The following GRM3 variants were observed in gnomAD, a reference collection of about 807,000 sequenced individuals.
GRM3 encodes metabotropic glutamate receptor 3.
A neutral mutation model predicts 70.5 loss-of-function variants in GRM3; 26 were observed. The observed-to-expected ratio is 0.37, with a 90% CI of 0.27 to 0.51. The LOEUF is 0.51. Among genes scored for constraint, GRM3 ranks in the 20% least tolerant of loss-of-function variants. The pLI is 0.93. For missense variants in GRM3, 859 were observed against 1,123.8 expected (o/e 0.76, Z 3.37); for synonymous variants, 443 against 434.9 (o/e 1.02, Z -0.23).
At chr7:86,699,774 G>T (rs939187851) in intron 1 of GRM3, among the ~76,000 whole-genome samples, 1 of 151,924 alleles carries the variant, frequency 6.6e-6, no homozygotes, top group Admixed American at 6.6e-5. Context: ...AAAGTTCATT[G>T]CAGAGAAAAA....
intron 1 of GRM3, among the ~76,000 whole-genome samples, chr7:86,713,385 G>T (rs1795243189): frequency 6.6e-6 from 1 of 151,982 alleles, no homozygotes; most frequent in African/African-American, 2.4e-5. Flanking sequence ...GTGCTCCACA[G>T]CTTAGCTCCT....
chr7:86,725,215 A>T (rs578146643), intron 1 of GRM3, among the ~76,000 whole-genome samples: 1 of 152,280 alleles, frequency 6.6e-6, no homozygotes, highest in East Asian at 1.9e-4. Context: ...TTAAGGATTG[A>T]TTTGAGGATT....
chr7:86,679,015 T>C (rs1243947119), intron 1 of GRM3, among the ~76,000 whole-genome samples: 3 of 152,184 alleles, frequency 2.0e-5, no homozygotes, highest in Non-Finnish European at 2.9e-5. Flanking sequence ...AGATAGACTG[T>C]GTAGATTGAT....
At chr7:86,779,980 T>C (rs184022124) in intron 2 of GRM3, among the ~76,000 whole-genome samples, 1 of 151,742 alleles carries the variant, frequency 6.6e-6, no homozygotes, top group Non-Finnish European at 1.5e-5. Flanking sequence ...ATACTAATTT[T>C]TTTTGTCCTT....
At chr7:86,688,896 G>C (rs1313184718) in intron 1 of GRM3, among the ~76,000 whole-genome samples, 1 of 148,320 alleles carries the variant, frequency 6.7e-6, no homozygotes, top group Admixed American at 6.8e-5. Flanking sequence ...TGTTCACAAA[G>C]GGTTAAGGAA....
intron 3 of GRM3, among the ~76,000 whole-genome samples, chr7:86,793,710 G>A (rs1797479975): frequency 6.6e-6 from 1 of 152,114 alleles, no homozygotes; most frequent in African/African-American, 2.4e-5. Flanking sequence ...CCATTTTAAG[G>A]TCATGCTGTG....
At chr7:86,696,928 C>T (rs554737011) in intron 1 of GRM3, among the ~76,000 whole-genome samples, 8 of 152,186 alleles carry the variant, frequency 5.3e-5, no homozygotes, top group African/African-American at 1.7e-4. Context: ...TATTCTGGCT[C>T]TCTTGACCCT....
chr7:86,754,325 T>C (rs1796296468), intron 1 of GRM3, among the ~76,000 whole-genome samples: 1 of 152,180 alleles, frequency 6.6e-6, no homozygotes, highest in Admixed American at 6.6e-5. Context: ...TTTGGGCCAT[T>C]CAAAAATTTG....
intron 1 of GRM3, among the ~76,000 whole-genome samples, chr7:86,753,648 G>A (rs1362005492): frequency 6.6e-6 from 1 of 151,982 alleles, no homozygotes; most frequent in Non-Finnish European, 1.5e-5. Context: ...TATGGATTAT[G>A]ACACTTGAAT....
intron 1 of GRM3, among the ~76,000 whole-genome samples, chr7:86,723,155 A>G (rs1049221300): frequency 2.0e-5 from 3 of 152,076 alleles, no homozygotes; most frequent in Admixed American, 6.6e-5. Flanking sequence ...TCTAGAAGGT[A>G]TTTCATTCCC....
At chr7:86,737,892 C>T (rs574146976) in intron 1 of GRM3, among the ~76,000 whole-genome samples, 2 of 152,242 alleles carry the variant, frequency 1.3e-5, no homozygotes, top group African/African-American at 2.4e-5. Context: ...AGGATAAATA[C>T]TCTCATTATG....
intron 1 of GRM3, among the ~76,000 whole-genome samples, chr7:86,698,623 A>G (rs1420252874): frequency 6.7e-6 from 1 of 150,310 alleles, no homozygotes; most frequent in Non-Finnish European, 1.5e-5. Flanking sequence ...AAAGCTTGGA[A>G]CCCCAATGCA....
intron 1 of GRM3, among the ~76,000 whole-genome samples, chr7:86,734,796 C>A (rs181466772): frequency 6.6e-5 from 10 of 152,278 alleles, no homozygotes; most frequent in Admixed American, 6.5e-4. Context: ...CTTCCATAGT[C>A]CCCTCCTCAT....
At position 86,644,569 on chromosome 7, in the gene GRM3, C is replaced by A. The variant is rs1448939096; in HGVS notation, c.-444C>A. On this transcript the variant is annotated 5_prime_UTR_variant, in exon 1 of 6. Transcript: ENST00000361669. ...ACCTCCTCCCTCTCTTCTACTCCAC[C>A]CCTCCGTTTTCCCACTCCCCACTGA... The A allele has an allele frequency of 2.5e-6, 1 of 403,290 alleles. No homozygotes were observed. The highest frequency in any genetic ancestry group is 7.1e-5 in the East Asian group (1 of 14,112). The allele number at this position is 403,290 out of a possible 1,614,324, so 25.0% of individuals were successfully genotyped here. A position where few individuals can be genotyped will look rare whatever the true frequency, so the allele number is the denominator to read the frequency against.
chr7:86,740,341 C>T (rs1192376688), intron 1 of GRM3, among the ~76,000 whole-genome samples: 1 of 151,598 alleles, frequency 6.6e-6, no homozygotes, highest in Non-Finnish European at 1.5e-5. Context: ...TCTCTTAATC[C>T]GGAAAATCTG....
chr7:86,846,431 GTCTC>G (rs368001301), intron 4 of GRM3, among the ~76,000 whole-genome samples: 2 of 151,790 alleles, frequency 1.3e-5, no homozygotes, highest in East Asian at 1.9e-4. Context: ...TTCTCTGAAA[GTCTC>G]TCTCTCTCTC....
chr7:86,836,647 T>C (rs547223231), intron 3 of GRM3, among the ~76,000 whole-genome samples: 1 of 152,336 alleles, frequency 6.6e-6, no homozygotes, highest in South Asian at 2.1e-4. Context: ...TCTCCCTCCC[T>C]GTCCCTCAGT....
In GRM3 at chr7:86,786,709, A is replaced by T; in HGVS notation, c.917A>T (p.Gln306Leu). 1 of 1,612,934 alleles carries T rather than the reference A, an allele frequency of 6.2e-7. No individual in the cohort carries two copies. The highest frequency in any genetic ancestry group is 8.5e-7 in the Non-Finnish European group (1 of 1,180,014). Residue 306 changes from glutamine (Q) to leucine (L), a missense_variant, in exon 3 of 6, where the codon CAG (glutamine) becomes CTG (leucine). Physicochemically the swap from Gln to Leu is moderately radical, Grantham distance 113 (BLOSUM62 -2). Transcript: ENST00000361669. The surrounding 1 kb of genome is among the most constrained non-coding windows in gnomAD (Gnocchi z 6.0). ...GTGGCCAGCGACGGCTGGGGCGCGC[A>T]GGAGAGCATCATCAAGGGCAGCGAG... Reference protein sequence around the residue: ...TWVASDGWGAQESIIKGSEHV... With the variant: ...TWVASDGWGALESIIKGSEHV...
rs184790549 is a variant in GRM3, at chr7:86,681,127, A to G, written c.-141+36255A>G. On this transcript the variant is annotated intron_variant, in intron 1 of 5. Transcript: ENST00000361669. ...TTGCAAACACTTGATGAGAATGTCT[A>G]CTATCACTCCTTTTATTTAAACTCG... Among the ~76,000 whole-genome samples, 286 of 152,316 alleles carry G rather than the reference A, an allele frequency of 1.9e-3. 2 individuals are homozygous for G. Among genetic ancestry groups the G allele is most frequent in the South Asian group, 4.3e-3 (21 of 4,828 alleles).
Sources: allele counts gnomAD v4.1 joint callset (sites outside exome capture counted in the v4.1 genomes callset), GRCh38; gene constraint gnomAD v4.1.1; non-coding constraint Gnocchi (gnomAD v3.1); transcripts MANE v1.5; gene names NCBI Gene and HGNC (gene_info 2026-07-23, HGNC 2026-07-21).